PDCD1LG2: variants seen among roughly 807,000 people sequenced by gnomAD.
The protein encoded by PDCD1LG2 is B7 dendritic cell molecule.
PDCD1LG2 carries 32 observed loss-of-function variants against 28.2 expected under a neutral mutation model. The ratio of observed to expected loss-of-function variants is 1.13; its 90% confidence interval spans 0.86 to 1.52. The LOEUF (loss-of-function observed/expected upper bound fraction) is 1.52. Among genes scored for constraint, PDCD1LG2 ranks in the 40% most tolerant of loss-of-function variants. The pLI is 0.00. For synonymous variants in PDCD1LG2, 116 were observed against 120.2 expected, an observed-to-expected ratio of 0.97 and a Z score of 0.23; for missense variants, 385 against 323.8, an observed-to-expected ratio of 1.19 and a Z score of -1.45.
At chr9:5,558,244 G>C (rs749929461) in intron 5 of PDCD1LG2, among the ~76,000 whole-genome samples, 5 of 152,206 alleles carry the variant, frequency 3.3e-5, no homozygotes, top group Non-Finnish European at 7.3e-5. Flanking sequence ...GCCATTTGGG[G>C]ATAAGGAAAC....
At chr9:5,562,712 C>T (rs543419719) in intron 5 of PDCD1LG2, among the ~76,000 whole-genome samples, 1 of 152,276 alleles carries the variant, frequency 6.6e-6, no homozygotes, top group East Asian at 1.9e-4. Flanking sequence ...ATTATGTGAA[C>T]TTGTGCTTCT....
chr9:5,529,173 A>C (rs1328128570), intron 2 of PDCD1LG2, among the ~76,000 whole-genome samples: 1 of 152,204 alleles, frequency 6.6e-6, no homozygotes, highest in Non-Finnish European at 1.5e-5. Context: ...TTGATTTATC[A>C]ATGTTTTCTT....
chr9:5,548,287 A>C (rs1414646235), intron 3 of PDCD1LG2, among the ~76,000 whole-genome samples: 1 of 152,248 alleles, frequency 6.6e-6, no homozygotes, highest in Non-Finnish European at 1.5e-5. Flanking sequence ...TTAACTTAGC[A>C]TAATACCCTT....
chr9:5,530,247 T>C (rs1014705885), intron 2 of PDCD1LG2, among the ~76,000 whole-genome samples: 1 of 152,212 alleles, frequency 6.6e-6, no homozygotes, highest in Non-Finnish European at 1.5e-5. Context: ...AGGACCTGCA[T>C]ACATGAATTT....
chr9:5,559,844 C>T (rs1816524671), intron 5 of PDCD1LG2, among the ~76,000 whole-genome samples: 1 of 152,196 alleles, frequency 6.6e-6, no homozygotes, highest in Non-Finnish European at 1.5e-5. Context: ...ACTCATGTCT[C>T]CAGCTTTAAC....
chr9:5,535,108 A>T, intron 3 of PDCD1LG2, 58 bp downstream of exon 3: 1 of 1,450,280 alleles, frequency 6.9e-7, no homozygotes, highest in Non-Finnish European at 9.2e-7. Context: ...AGGATCTGCA[A>T]GTCACAGAAA....
Position 5,539,037 on chromosome 9 carries a change from G to C in PDCD1LG2, c.361+3987G>C, listed in dbSNP as rs141215352. On this transcript the variant is annotated intron_variant, in intron 3 of 6. Transcript: ENST00000397747. ...ATATACTGTTGTTAAATATTTATAT[G>C]TATTTTTCAAGGATAATGTTGTATA... is the stretch of plus-strand genomic sequence containing the variant. 2.0e-5 allele frequency among the ~76,000 whole-genome samples: 3 copies of C among 152,136 alleles called. No individual in the cohort carries two copies. The South Asian group carries it at 6.2e-4, about 32-fold the overall frequency.
chr9:5,519,875 T>A (rs1441775523), intron 1 of PDCD1LG2, among the ~76,000 whole-genome samples: 2 of 152,228 alleles, frequency 1.3e-5, no homozygotes, highest in East Asian at 3.8e-4. Context: ...TCCCTCTTTT[T>A]CTCAAACTAT....
intron 3 of PDCD1LG2, among the ~76,000 whole-genome samples, chr9:5,545,235 A>G (rs1563829356): frequency 6.6e-6 from 1 of 152,250 alleles, no homozygotes; most frequent in East Asian, 1.9e-4. Context: ...AAGAGGTCAT[A>G]TAACTAGCCC....
chr9:5,567,841 G>T (rs1326813610), intron 6 of PDCD1LG2, among the ~76,000 whole-genome samples: 2 of 152,202 alleles, frequency 1.3e-5, no homozygotes, highest in Non-Finnish European at 2.9e-5. Flanking sequence ...TACCGATAAG[G>T]TACTCAAGAA....
intron 1 of PDCD1LG2, among the ~76,000 whole-genome samples, chr9:5,519,333 G>A (rs1298580398): frequency 6.6e-6 from 1 of 152,138 alleles, no homozygotes; most frequent in African/African-American, 2.4e-5. Context: ...GTTTGCATTT[G>A]AAAGGTGTGC....
At position 5,570,755 on chromosome 9, in the gene PDCD1LG2, G is replaced by T. The variant is rs1418636701; in HGVS notation, c.*796G>T. The T allele has an allele frequency of 4.3e-6, 1 of 231,390 alleles. No homozygotes were observed. The highest frequency in any genetic ancestry group is 8.5e-6 in the Non-Finnish European group (1 of 117,118). 14.3% of individuals were successfully genotyped at this position (231,390 alleles called of 1,614,324 possible). A position where few individuals can be genotyped will look rare whatever the true frequency, so the allele number is the denominator to read the frequency against. On this transcript the variant is annotated 3_prime_UTR_variant, in exon 7 of 7. Transcript: ENST00000397747. The stretch of plus-strand genomic sequence containing the variant: ...AAAATATTTGATATGCTCATACGTT[G>T]TATCTGCAGCAATTTCAGATAAGTA...
chr9:5,522,961 G>C (rs1371855358), intron 2 of PDCD1LG2, among the ~76,000 whole-genome samples: 2 of 152,260 alleles, frequency 1.3e-5, no homozygotes, highest in South Asian at 4.1e-4. Flanking sequence ...TTCCTTTCTG[G>C]CAGGGAGAGT....
chr9:5,512,370 T>C (rs1370798111), intron 1 of PDCD1LG2, among the ~76,000 whole-genome samples: 1 of 152,182 alleles, frequency 6.6e-6, no homozygotes, highest in Non-Finnish European at 1.5e-5. Flanking sequence ...CTTCCAGCTG[T>C]CTCTAACACA....
intron 6 of PDCD1LG2, among the ~76,000 whole-genome samples, chr9:5,566,185 G>T (rs980157588): frequency 3.6e-4 from 55 of 152,136 alleles, no homozygotes; most frequent in African/African-American, 1.3e-3. Flanking sequence ...ACTTAGCCTG[G>T]ACATGTCCCT....
chr9:5,562,982 T>C (rs1029951037), intron 5 of PDCD1LG2, among the ~76,000 whole-genome samples, 180 bp from the exon 6 acceptor site: 1 of 152,240 alleles, frequency 6.6e-6, no homozygotes, highest in African/African-American at 2.4e-5. Flanking sequence ...TTCACACTCT[T>C]TGCCTAGGGG....
chr9:5,511,475 G>A (rs1429483027), intron 1 of PDCD1LG2, among the ~76,000 whole-genome samples: 4 of 152,208 alleles, frequency 2.6e-5, no homozygotes, highest in Non-Finnish European at 5.9e-5. Context: ...CATGTGGAGG[G>A]GATGGAGGTG....
intron 3 of PDCD1LG2, among the ~76,000 whole-genome samples, chr9:5,538,925 G>C (rs529079297): frequency 1.3e-5 from 2 of 151,978 alleles, no homozygotes; most frequent in East Asian, 3.9e-4. Context: ...GATCAGATCG[G>C]GGTAATTAGC....
intron 4 of PDCD1LG2, among the ~76,000 whole-genome samples, chr9:5,551,874 G>A (rs1257533829): frequency 6.6e-6 from 1 of 152,176 alleles, no homozygotes; most frequent in Admixed American, 6.5e-5. Context: ...CTGGGAGGCA[G>A]CCACAATCTC....
Sources: allele counts gnomAD v4.1 joint callset (sites outside exome capture counted in the v4.1 genomes callset), GRCh38; gene constraint gnomAD v4.1.1; transcripts MANE v1.5; gene names NCBI Gene and HGNC (gene_info 2026-07-23, HGNC 2026-07-21).